SGSM2: variants seen among roughly 807,000 people sequenced by gnomAD.
SGSM2 encodes the protein small G protein signaling modulator 2.
A neutral mutation model predicts 126.6 loss-of-function variants in SGSM2; 89 were observed. The observed-to-expected ratio is 0.70, with a 90% CI of 0.59 to 0.84. The LOEUF (loss-of-function observed/expected upper bound fraction) is 0.84, where lower values mean the gene tolerates loss of function less well. Among genes scored for constraint, SGSM2 ranks in the 40% least tolerant of loss-of-function variants. SGSM2 has a pLI of 0.00. For missense variants in SGSM2, 1,404 were observed against 1,416.6 expected (o/e 0.99, Z 0.14); for synonymous variants, 614 against 574.3 (o/e 1.07, Z -0.99).
At chr17:2,346,540 A>G (rs2064604748) in intron 2 of SGSM2, among the ~76,000 whole-genome samples, 1 of 152,204 alleles carries the variant, frequency 6.6e-6, no homozygotes, top group Non-Finnish European at 1.5e-5. Flanking sequence ...GACTCCTAGG[A>G]CTGGCTAGAA....
In SGSM2 at chr17:2,351,210, G is replaced by A. The variant is rs187874779; in HGVS notation, c.133+7590G>A. On this transcript the variant is annotated intron_variant, in intron 2 of 23. Transcript: ENST00000268989. ...GGAGATTGCAGTAAGCCAAGATCAC[G>A]TCACTGCACTCCGACCTGGGCAATA... 1.1e-4 allele frequency among the ~76,000 whole-genome samples: 17 copies of A among 151,658 alleles called. No homozygotes were observed. The East Asian group carries it at 2.1e-3, about 19-fold the overall frequency.
At chr17:2,373,243 A>G in intron 16 of SGSM2, 88 bp from the exon 17 acceptor site, 1 of 1,543,768 alleles carries the variant, frequency 6.5e-7, no homozygotes, top group Non-Finnish European at 8.8e-7. Flanking sequence ...TCTGAGACTC[A>G]GGACCCAAGG....
chr17:2,377,539 T>G, intron 21 of SGSM2: 1 of 238,374 alleles, frequency 4.2e-6, no homozygotes, highest in Non-Finnish European at 8.1e-6. Context: ...GGAGTGTGTG[T>G]GTGTGTGAAT....
At chr17:2,344,729 C>T (rs182954192) in intron 2 of SGSM2, among the ~76,000 whole-genome samples, 119 of 152,214 alleles carry the variant, frequency 7.8e-4, no homozygotes, top group Middle Eastern at 6.8e-3. Context: ...GGAGGGCAGT[C>T]GGAGAGGCAG....
At chr17:2,347,304 A>G (rs572796267) in intron 2 of SGSM2, among the ~76,000 whole-genome samples, 1 of 151,644 alleles carries the variant, frequency 6.6e-6, no homozygotes, top group Non-Finnish European at 1.5e-5. Context: ...CAGGGGTTTC[A>G]CCATGTTGGC....
chr17:2,337,748 A>T lies in SGSM2; in HGVS notation c.57+3A>T. ...TGCTGTGGAACGTGAAGAAGGAGGT[A>T]AAGTCGAGTCAAGAACCCCGGGGGG... On this transcript the variant is annotated splice_donor_region_variant and intron_variant, in intron 1 of 23. Coordinates refer to ENST00000268989, the MANE Select transcript of SGSM2 (RefSeq NM_014853.3). This position sits in a 1 kb window ranked among gnomAD's most constrained non-coding sequence, Gnocchi z 5.1. 1 of 1,529,110 alleles carries T rather than the reference A, an allele frequency of 6.5e-7. No individual in the cohort carries two copies. The allele number at this position is 1,529,110 out of a possible 1,614,324, so 94.7% of individuals were successfully genotyped here.
At chr17:2,377,348 G>A (rs1159651338) in intron 21 of SGSM2, 5 of 350,438 alleles carry the variant, frequency 1.4e-5, no homozygotes, top group Non-Finnish European at 2.6e-5. Flanking sequence ...GCCGGGCGTG[G>A]TGGCACACAC....
At chr17:2,359,632 C>CA (rs1298394692) in intron 2 of SGSM2, among the ~76,000 whole-genome samples, 1 of 152,116 alleles carries the variant, frequency 6.6e-6, no homozygotes, top group Non-Finnish European at 1.5e-5. Flanking sequence ...TGGCTGTGCT[C>CA]AGAGGCTGGC....
chr17:2,339,499 C>A (rs1483835603), intron 1 of SGSM2, among the ~76,000 whole-genome samples: 1 of 150,588 alleles, frequency 6.6e-6, no homozygotes, highest in African/African-American at 2.4e-5. Flanking sequence ...CTGGGACGGG[C>A]GGATCACGAG....
rs1049226117 is a variant in SGSM2, at chr17:2,362,902, C to A, written c.523C>A (p.Leu175Ile). The change falls in exon 5 of 24, where the codon CTA becomes ATA. Residue 175 changes from leucine (L) to isoleucine (I), a missense_variant. Transcript: ENST00000268989. This position sits in a 1 kb window ranked among gnomAD's most constrained non-coding sequence, Gnocchi z 4.9. ...GTTCGGCCCGATCCTGGCCTCTCTTCTAGGTGAGCCTGAGAGCACAGGCAC... is the reference window on the plus strand; with the variant it reads ...GTTCGGCCCGATCCTGGCCTCTCTTATAGGTGAGCCTGAGAGCACAGGCAC... Reference protein sequence around the residue: ...PVFGPILASLLVGPCALEYTK... With the variant: ...PVFGPILASLIVGPCALEYTK... 2.5e-6 allele frequency: 4 copies of A among 1,614,172 alleles called. No homozygotes were observed. The highest frequency in any genetic ancestry group is 3.4e-6 in the Non-Finnish European group (4 of 1,180,040).
At position 2,379,772 on chromosome 17, in the gene SGSM2, C is replaced by T. The variant is rs2151651641; in HGVS notation, c.*252C>T. ...GCAGCTGCCTTGGGGGACACACCTACTCTGCTCCCCTCTCACACATCTGGG... is the reference window on the plus strand; with the variant it reads ...GCAGCTGCCTTGGGGGACACACCTATTCTGCTCCCCTCTCACACATCTGGG... On this transcript the variant is annotated 3_prime_UTR_variant, in exon 24 of 24. Coordinates refer to ENST00000268989, the MANE Select transcript of SGSM2 (RefSeq NM_014853.3). The T allele has an allele frequency of 1.5e-6, 2 of 1,371,832 alleles. No homozygotes were observed. Among genetic ancestry groups the T allele is most frequent in the East Asian group, 2.7e-5 (1 of 37,476 alleles). 85.0% of individuals were successfully genotyped at this position (1,371,832 alleles called of 1,614,324 possible). A position where few individuals can be genotyped will look rare whatever the true frequency, so the allele number is the denominator to read the frequency against.
At chr17:2,349,688 G>A (rs1163876976) in intron 2 of SGSM2, among the ~76,000 whole-genome samples, 2 of 152,120 alleles carry the variant, frequency 1.3e-5, no homozygotes, top group Admixed American at 6.5e-5. Context: ...CAAGATGGTC[G>A]TGACTTGATC....
At position 2,373,007 on chromosome 17, in the gene SGSM2, G is replaced by A. The variant is rs773126868; in HGVS notation, c.1843G>A (p.Glu615Lys). 20 of 1,597,598 alleles carry A rather than the reference G, an allele frequency of 1.3e-5. No individual in the cohort carries two copies. Among genetic ancestry groups the A allele is most frequent in the Middle Eastern group, 1.6e-4 (1 of 6,062 alleles). Residue 615 changes from glutamate to lysine, a missense_variant, in exon 16 of 24, where the codon GAG becomes AAG. By Grantham distance (56) the Glu-to-Lys change is moderately conservative. Coordinates refer to ENST00000268989, the MANE Select transcript of SGSM2 (RefSeq NM_014853.3). The part of the protein sequence containing the change: ...RQVYYGGIEH[E>K]IRKDVWPFLL... ...AGTTTACTACGGAGGCATAGAGCAC[G>A]AGATCCGCAAGGACGTCTGGCCCTT...
In SGSM2 at chr17:2,365,056, A is replaced by C; in HGVS notation, c.1160A>C (p.Lys387Thr). Residue 387 changes from lysine to threonine, a missense_variant and splice_region_variant, in exon 10 of 24, where the codon AAG becomes ACG. Transcript: ENST00000268989. ...LEPPLWTQQG[K>T]GKVFPKLRKR... ...CCCCCGCTGTGGACCCAGCAAGGGAAGGTAACTCGGGTGGGAGGCTTTAGG... is the reference window on the plus strand; with the variant it reads ...CCCCCGCTGTGGACCCAGCAAGGGACGGTAACTCGGGTGGGAGGCTTTAGG... 6.2e-7 allele frequency: 1 copy of C among 1,612,006 alleles called. No homozygotes were observed. The highest frequency in any genetic ancestry group is 8.5e-7 in the Non-Finnish European group (1 of 1,179,180).
chr17:2,343,409 C>A, intron 1 of SGSM2, 136 bp from the exon 2 acceptor site: 1 of 805,688 alleles, frequency 1.2e-6, no homozygotes, highest in Non-Finnish European at 2.1e-6. Flanking sequence ...TTCCCCACAC[C>A]TTTCATCCCT....
rs1270569814 is a variant in SGSM2, at chr17:2,380,364, T to C, written c.*844T>C. 6.8e-7 allele frequency: 1 copy of C among 1,479,260 alleles called. No homozygotes were observed. The highest frequency in any genetic ancestry group is 9.1e-7 in the Non-Finnish European group (1 of 1,095,532). The allele number at this position is 1,479,260 out of a possible 1,614,324, so 91.6% of individuals were successfully genotyped here. On this transcript the variant is annotated 3_prime_UTR_variant, in exon 24 of 24. Coordinates refer to ENST00000268989, the MANE Select transcript of SGSM2 (RefSeq NM_014853.3). ...GCTCTGAGGAATCCCAGGGTGACTCTGTCGGGGAAGAATCCGGTCACAGCC... is the reference window on the plus strand; with the variant it reads ...GCTCTGAGGAATCCCAGGGTGACTCCGTCGGGGAAGAATCCGGTCACAGCC...
At chr17:2,368,231 C>T (rs574642957) in intron 12 of SGSM2, among the ~76,000 whole-genome samples, 2 of 152,316 alleles carry the variant, frequency 1.3e-5, no homozygotes, top group South Asian at 4.1e-4. Flanking sequence ...CAGGGTTCCT[C>T]TGCCTACCAC....
At chr17:2,348,720 A>T (rs963642610) in intron 2 of SGSM2, among the ~76,000 whole-genome samples, 4 of 152,290 alleles carry the variant, frequency 2.6e-5, no homozygotes, top group African/African-American at 9.6e-5. Context: ...GGATCTGAGT[A>T]TGCAGAAGGT....
chr17:2,372,531 G>C lies in SGSM2; in HGVS notation c.1788+43G>C, dbSNP rs1162180175. 5.0e-6 allele frequency: 8 copies of C among 1,586,988 alleles called. No individual in the cohort carries two copies. Among genetic ancestry groups the C allele is most frequent in the Non-Finnish European group, 6.0e-6 (7 of 1,171,266 alleles). ...CCAGGGCCACAGGTCGAGGGGCTGGGGCGGGCAGGAGTGAGGGCTTCAGGG... is the reference window on the plus strand; with the variant it reads ...CCAGGGCCACAGGTCGAGGGGCTGGCGCGGGCAGGAGTGAGGGCTTCAGGG... On this transcript the variant is annotated intron_variant, in intron 15 of 23. Transcript: ENST00000268989. The surrounding 1 kb of genome is among the most constrained non-coding windows in gnomAD (Gnocchi z 6.0).
Sources: allele counts gnomAD v4.1 joint callset (sites outside exome capture counted in the v4.1 genomes callset), GRCh38; gene constraint gnomAD v4.1.1; non-coding constraint Gnocchi (gnomAD v3.1); transcripts MANE v1.5; gene names NCBI Gene and HGNC (gene_info 2026-07-23, HGNC 2026-07-21).